Variants in KCNIP1 observed in about 807,000 individuals in gnomAD.
KCNIP1 encodes the protein potassium voltage-gated channel interacting protein 1.
KCNIP1 carries 18 observed loss-of-function variants against 33.0 expected under a neutral mutation model. That is an observed-to-expected ratio of 0.55 (90% CI 0.38 to 0.81). KCNIP1 has a LOEUF of 0.81. Ranked by LOEUF, KCNIP1 falls within the 30% of genes least tolerant of loss-of-function variation. The probability of loss-of-function intolerance (pLI) is 0.00; values close to 1 mark genes in which losing one functional copy is unlikely to be tolerated. For missense variants in KCNIP1, 238 were observed against 271.6 expected (o/e 0.88, Z 0.87); for synonymous variants, 93 against 98.3 (o/e 0.95, Z 0.32).
intron 1 of KCNIP1, among the ~76,000 whole-genome samples, chr5:170,527,617 C>A (rs528133573): frequency 4.6e-5 from 7 of 151,516 alleles, no homozygotes; most frequent in Non-Finnish European, 5.9e-5. Flanking sequence ...AAGCTAGTCA[C>A]GAATAATCAG....
chr5:170,655,209 A>T (rs549743075), intron 1 of KCNIP1, among the ~76,000 whole-genome samples: 117 of 152,202 alleles, frequency 7.7e-4, no homozygotes, highest in Admixed American at 1.2e-3. Context: ...ATTTGTTGGA[A>T]GAAATTTCTC....
chr5:170,455,953 T>C (rs906742816), intron 1 of KCNIP1, among the ~76,000 whole-genome samples: 4 of 152,342 alleles, frequency 2.6e-5, no homozygotes, highest in Non-Finnish European at 5.9e-5. Context: ...GCAATCCCAT[T>C]ACTGGGTATA....
chr5:170,555,086 C>T (rs1756798480), intron 1 of KCNIP1, among the ~76,000 whole-genome samples: 1 of 152,166 alleles, frequency 6.6e-6, no homozygotes, highest in Admixed American at 6.5e-5. Context: ...TCGTTCCCAG[C>T]CCCATCTTCT....
At chr5:170,595,322 C>T (rs749446960) in intron 1 of KCNIP1, among the ~76,000 whole-genome samples, 1 of 152,230 alleles carries the variant, frequency 6.6e-6, no homozygotes, top group African/African-American at 2.4e-5. Flanking sequence ...CAGGGAGCTG[C>T]GTCTGAGGGG....
intron 1 of KCNIP1, among the ~76,000 whole-genome samples, chr5:170,459,453 C>T (rs1163045803): frequency 6.6e-6 from 1 of 152,008 alleles, no homozygotes; most frequent in African/African-American, 2.4e-5. Context: ...ACAAAATGAG[C>T]CTTGATAAAT....
chr5:170,589,813 C>CGGTGCGGTGT (rs1327460150), intron 1 of KCNIP1, among the ~76,000 whole-genome samples: 55 of 150,076 alleles, frequency 3.7e-4, no homozygotes, highest in Non-Finnish European at 5.4e-4. Flanking sequence ...CGGTGCGGTG[C>CGGTGCGGTGT]GGTGTGGTGT....
At chr5:170,568,279 G>A (rs986591644) in intron 1 of KCNIP1, among the ~76,000 whole-genome samples, 2 of 152,186 alleles carry the variant, frequency 1.3e-5, no homozygotes, top group Non-Finnish European at 2.9e-5. Flanking sequence ...TGGGCATGTA[G>A]TATGTCCCAG....
chr5:170,611,418 A>G (rs1028140780), intron 1 of KCNIP1, among the ~76,000 whole-genome samples: 1 of 152,208 alleles, frequency 6.6e-6, no homozygotes. Context: ...GAAAAGTACC[A>G]CACTACGAAG....
intron 1 of KCNIP1, among the ~76,000 whole-genome samples, chr5:170,599,664 A>G (rs373935272): frequency 6.5e-5 from 3 of 46,006 alleles, no homozygotes; most frequent in Admixed American, 5.3e-4. Flanking sequence ...GTTCCCGTGC[A>G]ATGGACCTAG....
At chr5:170,662,859 A>G (rs1761553770) in intron 1 of KCNIP1, among the ~76,000 whole-genome samples, 1 of 152,164 alleles carries the variant, frequency 6.6e-6, no homozygotes, top group African/African-American at 2.4e-5. Context: ...TTCAAGATCT[A>G]TTGGTTAAGG....
intron 1 of KCNIP1, among the ~76,000 whole-genome samples, chr5:170,671,212 C>T (rs149651498): frequency 7.6e-4 from 115 of 152,294 alleles, no homozygotes; most frequent in East Asian, 1.3e-3. Context: ...ATCCTTAACA[C>T]GGTCTACAAT....
intron 1 of KCNIP1, among the ~76,000 whole-genome samples, chr5:170,521,495 TG>T (rs1755361288): frequency 6.6e-6 from 1 of 152,258 alleles, no homozygotes; most frequent in Non-Finnish European, 1.5e-5. Context: ...TTTTGTGTGC[TG>T]ATTTGTAGAA....
At chr5:170,570,467 C>A (rs1292103125) in intron 1 of KCNIP1, among the ~76,000 whole-genome samples, 1 of 152,018 alleles carries the variant, frequency 6.6e-6, no homozygotes, top group East Asian at 1.9e-4. Context: ...TTTTGAGTGC[C>A]CCCAATAGGC....
chr5:170,715,217 G>A (rs1022033731), intron 1 of KCNIP1, among the ~76,000 whole-genome samples: 8 of 152,146 alleles, frequency 5.3e-5, no homozygotes, highest in Non-Finnish European at 1.2e-4. Context: ...AGGAGCAAAA[G>A]GCCATACCAT....
intron 1 of KCNIP1, among the ~76,000 whole-genome samples, chr5:170,507,898 G>A (rs769125058): frequency 6.6e-5 from 10 of 152,186 alleles, no homozygotes; most frequent in Non-Finnish European, 1.2e-4. Context: ...GGAGAGCCCT[G>A]CTTTTGGGAT....
chr5:170,553,283 C>G (rs1031996662), intron 1 of KCNIP1, among the ~76,000 whole-genome samples: 1 of 152,226 alleles, frequency 6.6e-6, no homozygotes, highest in Non-Finnish European at 1.5e-5. Flanking sequence ...ATTCCTGGTT[C>G]TTGTTTATTT....
At chr5:170,535,275 A>G (rs571734359) in intron 1 of KCNIP1, among the ~76,000 whole-genome samples, 1 of 152,314 alleles carries the variant, frequency 6.6e-6, no homozygotes, top group South Asian at 2.1e-4. Flanking sequence ...TCTCCTTGAC[A>G]TCTGACTTAA....
At chr5:170,702,427 C>A (rs1252444551) in intron 1 of KCNIP1, among the ~76,000 whole-genome samples, 1 of 152,072 alleles carries the variant, frequency 6.6e-6, no homozygotes, top group Non-Finnish European at 1.5e-5. Context: ...AACTTGTTGC[C>A]CAGAGTGGAG....
intron 1 of KCNIP1, among the ~76,000 whole-genome samples, chr5:170,470,152 A>T (rs1756690863): frequency 6.6e-6 from 1 of 151,978 alleles, no homozygotes; most frequent in Admixed American, 6.6e-5. Context: ...CTGCACTTTC[A>T]CTTGAGCACA....
Sources: gnomAD v4.1 joint callset for allele counts (sites outside exome capture counted in the v4.1 genomes callset) on GRCh38, gnomAD v4.1.1 for gene constraint, MANE v1.5 for transcripts, NCBI Gene and HGNC (gene_info 2026-07-23, HGNC 2026-07-21) for gene names.